The following CNTN5 variants were observed in gnomAD, a reference collection of about 807,000 sequenced individuals.
The protein encoded by CNTN5 is contactin 5.
Under a neutral mutation model 129.1 loss-of-function variants are expected in CNTN5, and 77 were observed. That is an observed-to-expected ratio of 0.60 (90% CI 0.50 to 0.72). The LOEUF is 0.72. Ranked by LOEUF, CNTN5 falls within the 30% of genes least tolerant of loss-of-function variation. CNTN5 has a pLI of 0.00. For synonymous variants in CNTN5, 509 were observed against 465.6 expected (o/e 1.09, Z -1.20); for missense variants, 1,478 against 1,328.8 (o/e 1.11, Z -1.75).
At chr11:99,938,729 C>G (rs1950369864) in intron 7 of CNTN5, among the ~76,000 whole-genome samples, 1 of 152,026 alleles carries the variant, frequency 6.6e-6, no homozygotes, top group African/African-American at 2.4e-5. Context: ...AAGCCGCAAT[C>G]TACATACTTT....
chr11:100,038,322 G>T (rs1420744915), intron 9 of CNTN5, among the ~76,000 whole-genome samples: 1 of 152,016 alleles, frequency 6.6e-6, no homozygotes, highest in Admixed American at 6.6e-5. Flanking sequence ...ATTGCACTAT[G>T]GTCTGAGAGA....
intron 6 of CNTN5, among the ~76,000 whole-genome samples, chr11:99,885,420 T>G (rs1436397118): frequency 2.0e-5 from 3 of 152,144 alleles, no homozygotes. Context: ...GATAAAGTCC[T>G]CAAAGTGATG....
intron 23 of CNTN5, among the ~76,000 whole-genome samples, chr11:100,348,783 A>T (rs1165547429): frequency 6.6e-6 from 1 of 152,018 alleles, no homozygotes; most frequent in Non-Finnish European, 1.5e-5. Context: ...AGTGTTCCTG[A>T]TTTCCCCAAT....
intron 3 of CNTN5, among the ~76,000 whole-genome samples, chr11:99,798,044 G>C (rs1365405282): frequency 6.6e-6 from 1 of 151,978 alleles, no homozygotes; most frequent in African/African-American, 2.4e-5. Context: ...TTGTACAAAT[G>C]ATTTTGTCAC....
At chr11:99,465,298 T>C (rs1266223219) in intron 2 of CNTN5, among the ~76,000 whole-genome samples, 4 of 152,222 alleles carry the variant, frequency 2.6e-5, no homozygotes, top group Non-Finnish European at 5.9e-5. Flanking sequence ...TGGTCAACTT[T>C]CATTGTCTTT....
chr11:99,835,898 G>T (rs1052509112), intron 4 of CNTN5, among the ~76,000 whole-genome samples: 2 of 152,110 alleles, frequency 1.3e-5, no homozygotes, highest in African/African-American at 4.8e-5. Flanking sequence ...ATGTAATATT[G>T]TTATAGGAAA....
At chr11:99,172,359 A>C (rs1861186193) in intron 1 of CNTN5, among the ~76,000 whole-genome samples, 1 of 152,224 alleles carries the variant, frequency 6.6e-6, no homozygotes, top group South Asian at 2.1e-4. Context: ...TTGCGTATCC[A>C]AGATTTCCAT....
At chr11:99,805,552 C>T (rs1337969845) in intron 3 of CNTN5, among the ~76,000 whole-genome samples, 4 of 152,156 alleles carry the variant, frequency 2.6e-5, no homozygotes, top group Non-Finnish European at 5.9e-5. Context: ...AATCACTACT[C>T]ATTAGGGTAT....
At chr11:99,779,844 C>T (rs771314112) in intron 3 of CNTN5, among the ~76,000 whole-genome samples, 17 of 151,974 alleles carry the variant, frequency 1.1e-4, no homozygotes, top group Non-Finnish European at 2.4e-4. Flanking sequence ...TTCTCAGTGG[C>T]TGTGCAATCC....
In CNTN5 at chr11:99,956,878, A is replaced by G; in HGVS notation, c.746A>G (p.Gln249Arg). Reference sequence around the variant, plus strand: ...GAAGACAGCCGGCGGTTCATCTCCCAGGAGACAGGCAACCTTTATATTTCT... The same window carrying G: ...GAAGACAGCCGGCGGTTCATCTCCCGGGAGACAGGCAACCTTTATATTTCT... The part of the protein sequence containing the change: ...VAEDSRRFIS[Q>R]ETGNLYISKV... Residue 249 changes from glutamine (Q) to arginine (R), a missense_variant, in exon 8 of 25, where the codon CAG becomes CGG. Transcript: ENST00000524871. 6.2e-7 allele frequency: 1 copy of G among 1,613,928 alleles called. No homozygotes were observed. Among genetic ancestry groups the G allele is most frequent in the Non-Finnish European group, 8.5e-7 (1 of 1,179,844 alleles).
intron 3 of CNTN5, among the ~76,000 whole-genome samples, chr11:99,649,068 CA>C (rs1194014048): frequency 6.6e-6 from 1 of 150,846 alleles, no homozygotes; most frequent in African/African-American, 2.5e-5. Flanking sequence ...TCCCAATAAA[CA>C]AAAAATGATA....
chr11:99,137,466 G>A (rs538549985), intron 1 of CNTN5, among the ~76,000 whole-genome samples: 67 of 152,104 alleles, frequency 4.4e-4, no homozygotes, highest in African/African-American at 1.6e-3. Flanking sequence ...TCCATGTCAC[G>A]AAGGTAAGAA....
intron 1 of CNTN5, among the ~76,000 whole-genome samples, chr11:99,228,330 C>G (rs78660229): frequency 0.017 from 2,649 of 152,086 alleles, 43 homozygotes; most frequent in African/African-American, 0.038. Context: ...GGCTGGCAAG[C>G]GTCTGTGTGA....
chr11:99,809,390 T>G (rs1389492171), intron 3 of CNTN5, among the ~76,000 whole-genome samples: 3 of 152,200 alleles, frequency 2.0e-5, no homozygotes, highest in African/African-American at 7.2e-5. Context: ...AAAGATTGTA[T>G]GTTTTATTAT....
At chr11:99,720,178 C>T (rs1030192629) in intron 3 of CNTN5, among the ~76,000 whole-genome samples, 3 of 152,040 alleles carry the variant, frequency 2.0e-5, no homozygotes, top group Non-Finnish European at 1.5e-5. Context: ...TCTATGAGGC[C>T]AGCATCATCT....
At chr11:99,586,359 T>C (rs1261827455) in intron 3 of CNTN5, among the ~76,000 whole-genome samples, 1 of 152,158 alleles carries the variant, frequency 6.6e-6, no homozygotes, top group South Asian at 2.1e-4. Flanking sequence ...CTCAGCATAA[T>C]GGCTAAAGGA....
chr11:100,196,455 G>A (rs116764642), intron 15 of CNTN5, among the ~76,000 whole-genome samples: 3 of 151,726 alleles, frequency 2.0e-5, no homozygotes, highest in Admixed American at 2.0e-4. Context: ...ATTTTATGTA[G>A]CCTTCATATA....
chr11:100,107,513 T>TAAAC (rs1448834420), intron 13 of CNTN5, among the ~76,000 whole-genome samples: 7 of 149,176 alleles, frequency 4.7e-5, no homozygotes, highest in East Asian at 3.9e-4. Context: ...TTTTGAAGTC[T>TAAAC]AAACATCTCA....
intron 2 of CNTN5, among the ~76,000 whole-genome samples, chr11:99,431,596 T>A (rs1456557090): frequency 6.6e-6 from 1 of 152,146 alleles, no homozygotes; most frequent in Non-Finnish European, 1.5e-5. Context: ...CCCAGGCTAG[T>A]ACTAAGAACC....
Sources: gnomAD v4.1 joint callset for allele counts (sites outside exome capture counted in the v4.1 genomes callset) on GRCh38, gnomAD v4.1.1 for gene constraint, MANE v1.5 for transcripts, NCBI Gene and HGNC (gene_info 2026-07-23, HGNC 2026-07-21) for gene names.